Variants in ZNF804B observed in about 807,000 individuals in gnomAD.
The protein encoded by ZNF804B is zinc finger protein 804B.
Under a neutral mutation model 101.4 loss-of-function variants are expected in ZNF804B, and 80 were observed. That is an observed-to-expected ratio of 0.79 (90% CI 0.66 to 0.95). ZNF804B has a LOEUF of 0.95. Ranked by LOEUF, ZNF804B falls within the 40% of genes least tolerant of loss-of-function variation. The pLI is 0.00. For synonymous variants in ZNF804B, 622 were observed against 558.8 expected, an observed-to-expected ratio of 1.11 and a Z score of -1.59; for missense variants, 1,673 against 1,561.9, an observed-to-expected ratio of 1.07 and a Z score of -1.20.
chr7:89,290,950 T>C (rs996004478), intron 2 of ZNF804B, among the ~76,000 whole-genome samples: 1 of 152,096 alleles, frequency 6.6e-6, no homozygotes, highest in Non-Finnish European at 1.5e-5. Flanking sequence ...GACTCTGTTT[T>C]TTTGGAAGAA....
At chr7:89,249,652 T>C (rs1789509812) in intron 2 of ZNF804B, among the ~76,000 whole-genome samples, 1 of 151,952 alleles carries the variant, frequency 6.6e-6, no homozygotes, top group Non-Finnish European at 1.5e-5. Context: ...AAGAGGGAAA[T>C]TTACAGTGCT....
At chr7:89,269,643 A>T (rs1033737197) in intron 2 of ZNF804B, among the ~76,000 whole-genome samples, 1 of 152,130 alleles carries the variant, frequency 6.6e-6, no homozygotes, top group African/African-American at 2.4e-5. Flanking sequence ...CGCCACACTG[A>T]CTTCCACAAT....
intron 1 of ZNF804B, among the ~76,000 whole-genome samples, chr7:88,873,977 T>G (rs1428938597): frequency 6.6e-6 from 1 of 152,302 alleles, no homozygotes; most frequent in South Asian, 2.1e-4. Context: ...CCATATGAAC[T>G]TTAAAGTAGT....
chr7:89,163,605 GT>G (rs1226338969), intron 1 of ZNF804B, among the ~76,000 whole-genome samples: 2 of 151,616 alleles, frequency 1.3e-5, no homozygotes, highest in African/African-American at 4.8e-5. Flanking sequence ...TCACTTCTGG[GT>G]TATCAGTAAT....
chr7:88,920,524 C>T (rs1417665849), intron 1 of ZNF804B, among the ~76,000 whole-genome samples: 3 of 151,868 alleles, frequency 2.0e-5, no homozygotes. Flanking sequence ...TTCTCTTAAA[C>T]TTAGTTTATC....
intron 1 of ZNF804B, among the ~76,000 whole-genome samples, chr7:89,113,674 C>T (rs907845239): frequency 6.6e-6 from 1 of 151,970 alleles, no homozygotes; most frequent in Non-Finnish European, 1.5e-5. Flanking sequence ...AAAAACAGGC[C>T]AGGCGCTGTG....
intron 2 of ZNF804B, among the ~76,000 whole-genome samples, chr7:89,220,163 G>GTATATCCA (rs1788981858): frequency 7.0e-5 from 3 of 42,980 alleles, no homozygotes; most frequent in African/African-American, 2.9e-4. Context: ...ATATATATAC[G>GTATATCCA]CACATATATA....
At position 89,147,609 on chromosome 7, in the gene ZNF804B, C is replaced by A. The variant is rs998822474; in HGVS notation, c.109-70546C>A. ...CTACCAGTCTGTTGCCTGTTAGGAA[C>A]CAGGCCATACAGCAGGAGGTGAGCC... is the stretch of plus-strand genomic sequence containing the variant. On this transcript the variant is annotated intron_variant, in intron 1 of 3. Transcript: ENST00000333190. 4.6e-5 allele frequency among the ~76,000 whole-genome samples: 7 copies of A among 152,094 alleles called. No homozygotes were observed. In the East Asian group the frequency reaches 1.4e-3, roughly 29 times the overall value.
intron 1 of ZNF804B, among the ~76,000 whole-genome samples, chr7:88,982,217 G>A (rs1001790096): frequency 6.6e-6 from 1 of 151,900 alleles, no homozygotes; most frequent in African/African-American, 2.4e-5. Context: ...ATACTCTATT[G>A]AATGCAGGCT....
At chr7:89,001,055 G>A (rs999998956) in intron 1 of ZNF804B, among the ~76,000 whole-genome samples, 1 of 147,080 alleles carries the variant, frequency 6.8e-6, no homozygotes, top group Non-Finnish European at 1.5e-5. Flanking sequence ...TTCAGGGGTG[G>A]GGATGGGGTT....
At chr7:88,844,685 C>T (rs1266230330) in intron 1 of ZNF804B, among the ~76,000 whole-genome samples, 1 of 152,162 alleles carries the variant, frequency 6.6e-6, no homozygotes, top group Non-Finnish European at 1.5e-5. Context: ...ATGATTCCTT[C>T]ATGGTAGATT....
chr7:88,828,196 G>C (rs1345456323), intron 1 of ZNF804B, among the ~76,000 whole-genome samples: 1 of 152,054 alleles, frequency 6.6e-6, no homozygotes, highest in African/African-American at 2.4e-5. Context: ...TAACTTTATA[G>C]AGGTGTAATT....
At chr7:89,069,388 G>T (rs536551182) in intron 1 of ZNF804B, among the ~76,000 whole-genome samples, 2 of 152,068 alleles carry the variant, frequency 1.3e-5, no homozygotes, top group East Asian at 1.9e-4. Flanking sequence ...CACCATTATA[G>T]AACTAATATG....
At chr7:89,328,875 T>C (rs1318308108) in intron 3 of ZNF804B, among the ~76,000 whole-genome samples, 1 of 151,844 alleles carries the variant, frequency 6.6e-6, no homozygotes, top group African/African-American at 2.4e-5. Flanking sequence ...ACATTTCTGC[T>C]TACCCATTCT....
chr7:88,895,213 T>G (rs1763694133), intron 1 of ZNF804B, among the ~76,000 whole-genome samples: 1 of 152,204 alleles, frequency 6.6e-6, no homozygotes, highest in Non-Finnish European at 1.5e-5. Context: ...GGTTCTCACA[T>G]TAGAAATTTA....
intron 3 of ZNF804B, among the ~76,000 whole-genome samples, chr7:89,332,298 C>T (rs1453791013): frequency 6.6e-6 from 1 of 151,702 alleles, no homozygotes; most frequent in African/African-American, 2.4e-5. Flanking sequence ...GACAAGGACT[C>T]AGAAAGCACT....
chr7:88,940,582 C>A lies in ZNF804B; in HGVS notation c.108+180498C>A, dbSNP rs1027140577. 4.0e-5 allele frequency among the ~76,000 whole-genome samples: 6 copies of A among 151,724 alleles called. No homozygotes were observed. In the South Asian group the frequency reaches 6.2e-4, roughly 16 times the overall value. On this transcript the variant is annotated intron_variant, in intron 1 of 3. Transcript: ENST00000333190. ...TCCAGGAGCTTGAGATCAGCCTGGA[C>A]AACATAGCAAGACAGTGTCTCTACA...
intron 2 of ZNF804B, among the ~76,000 whole-genome samples, chr7:89,231,170 A>T (rs1789186198): frequency 1.3e-5 from 2 of 152,160 alleles, no homozygotes. Flanking sequence ...TTTCTTATAG[A>T]TATCCAGTTG....
At chr7:88,839,872 C>T (rs1012526806) in intron 1 of ZNF804B, among the ~76,000 whole-genome samples, 7 of 151,962 alleles carry the variant, frequency 4.6e-5, no homozygotes, top group East Asian at 1.9e-4. Flanking sequence ...ATACATAGCA[C>T]GTGGCATATA....
Sources: allele counts gnomAD v4.1 joint callset (sites outside exome capture counted in the v4.1 genomes callset), GRCh38; gene constraint gnomAD v4.1.1; transcripts MANE v1.5; gene names NCBI Gene and HGNC (gene_info 2026-07-23, HGNC 2026-07-21).